The following AK5 variants were observed in gnomAD, a reference collection of about 807,000 sequenced individuals.
The protein encoded by AK5 is adenylate kinase 5, also known as adenylate kinase isoenzyme 5.
A neutral mutation model predicts 69.5 loss-of-function variants in AK5; 27 were observed. The ratio of observed to expected loss-of-function variants is 0.39; its 90% CI spans 0.29 to 0.54. The LOEUF (loss-of-function observed/expected upper bound fraction) is 0.54, where lower values mean the gene tolerates loss of function less well. Ranked by LOEUF, AK5 falls within the 20% of genes least tolerant of loss-of-function variation. The probability of loss-of-function intolerance (pLI) is 0.71; values close to 1 mark genes in which losing one functional copy is unlikely to be tolerated. For synonymous variants in AK5, 260 were observed against 244.4 expected (o/e 1.06, Z -0.60); for missense variants, 531 against 700.4 (o/e 0.76, Z 2.73).
At chr1:77,435,660 A>G (rs1651914585) in intron 8 of AK5, among the ~76,000 whole-genome samples, 1 of 151,730 alleles carries the variant, frequency 6.6e-6, no homozygotes, top group South Asian at 2.1e-4. Flanking sequence ...AAAAAAAAAA[A>G]GAAGCTGCAG....
intron 6 of AK5, among the ~76,000 whole-genome samples, chr1:77,363,416 C>A (rs188670489): frequency 7.6e-4 from 116 of 152,332 alleles, no homozygotes; most frequent in Non-Finnish European, 1.3e-3. Flanking sequence ...CTGCTTTTGA[C>A]CTTGCCCTCT....
At chr1:77,475,185 ATATATATATATG>A (rs1250205464) in intron 8 of AK5, among the ~76,000 whole-genome samples, 24 of 51,882 alleles carry the variant, frequency 4.6e-4, no homozygotes, top group African/African-American at 5.5e-4. Context: ...ATATATATAT[ATATATATATATG>A]TGTGTGTGTG....
At chr1:77,397,449 T>G (rs1377877130) in intron 6 of AK5, among the ~76,000 whole-genome samples, 1 of 152,240 alleles carries the variant, frequency 6.6e-6, no homozygotes, top group Non-Finnish European at 1.5e-5. Context: ...CATCCTTACT[T>G]TGAGTCCACT....
At chr1:77,461,269 G>A (rs531560874) in intron 8 of AK5, among the ~76,000 whole-genome samples, 3 of 150,172 alleles carry the variant, frequency 2.0e-5, no homozygotes, top group East Asian at 2.1e-4. Context: ...TCCTGACCTC[G>A]TGATCCACCC....
chr1:77,293,148 A>G (rs558213063), intron 2 of AK5, among the ~76,000 whole-genome samples: 1 of 152,292 alleles, frequency 6.6e-6, no homozygotes, highest in South Asian at 2.1e-4. Context: ...AGATATTCCA[A>G]TTGTAGGAAT....
intron 8 of AK5, among the ~76,000 whole-genome samples, chr1:77,443,330 A>G (rs763307349): frequency 2.6e-5 from 4 of 152,142 alleles, no homozygotes; most frequent in African/African-American, 9.7e-5. Flanking sequence ...TGTATGCTAT[A>G]TGCATCCATT....
Position 77,367,589 on chromosome 1 carries a change from T to TTATA in AK5, c.891+27025_891+27028dup, listed in dbSNP as rs374382779. ...TATATATATATATATAATATATATG[T>TTATA]TATATATGTAATATATATGTAATAT... On this transcript the variant is annotated intron_variant, in intron 6 of 13. Transcript: ENST00000354567. 3.1e-3 allele frequency among the ~76,000 whole-genome samples: 137 copies of TTATA among 43,578 alleles called. 3 individuals carry two copies. Among genetic ancestry groups the TTATA allele is most frequent in the African/African-American group, 0.01 (130 of 12,468 alleles). The allele number at this position is 43,578 out of a possible 152,430, so 28.6% of individuals were successfully genotyped here. A position where few individuals can be genotyped will look rare whatever the true frequency, so the allele number is the denominator to read the frequency against.
At chr1:77,367,630 A>AATATATGTT (rs1646992398) in intron 6 of AK5, among the ~76,000 whole-genome samples, 1 of 56,020 alleles carries the variant, frequency 1.8e-5, no homozygotes, top group African/African-American at 6.1e-5. Flanking sequence ...TTATATATGT[A>AATATATGTT]ATATATATGT....
intron 6 of AK5, among the ~76,000 whole-genome samples, chr1:77,371,028 A>T (rs891136847): frequency 6.6e-6 from 1 of 152,136 alleles, no homozygotes; most frequent in African/African-American, 2.4e-5. Flanking sequence ...GTCACATTTC[A>T]TTACCTATGA....
At chr1:77,355,212 C>T (rs1662431033) in intron 6 of AK5, among the ~76,000 whole-genome samples, 2 of 152,184 alleles carry the variant, frequency 1.3e-5, no homozygotes, top group South Asian at 2.1e-4. Context: ...ATCCTTTTGG[C>T]TCAGTGAGCA....
chr1:77,439,782 A>ATG (rs1652201138), intron 8 of AK5, among the ~76,000 whole-genome samples: 1 of 151,484 alleles, frequency 6.6e-6, no homozygotes. Flanking sequence ...ATATATATGT[A>ATG]TGTATACATG....
intron 6 of AK5, among the ~76,000 whole-genome samples, chr1:77,368,282 GTTATATATATGTTATATA>G (rs1647051195): frequency 3.6e-5 from 2 of 55,682 alleles, no homozygotes; most frequent in Non-Finnish European, 7.7e-5. Context: ...TGTTATATAT[GTTATATATATGTTATATA>G]TAATATATAT....
chr1:77,461,615 GA>G (rs1653848214), intron 8 of AK5, among the ~76,000 whole-genome samples: 1 of 151,550 alleles, frequency 6.6e-6, no homozygotes, highest in South Asian at 2.1e-4. Context: ...ACTAAAATTA[GA>G]AAAATTAGCG....
At chr1:77,439,025 G>A (rs1652142546) in intron 8 of AK5, among the ~76,000 whole-genome samples, 1 of 152,148 alleles carries the variant, frequency 6.6e-6, no homozygotes, top group Non-Finnish European at 1.5e-5. Context: ...TCGTAGAAAC[G>A]AAGAGCACAA....
chr1:77,462,181 T>C (rs1484910625), intron 8 of AK5, among the ~76,000 whole-genome samples: 2 of 152,216 alleles, frequency 1.3e-5, no homozygotes, highest in East Asian at 3.8e-4. Context: ...ATACACACCA[T>C]AAACTTTTAG....
intron 8 of AK5, among the ~76,000 whole-genome samples, chr1:77,435,558 G>A (rs914328552): frequency 7.9e-5 from 12 of 151,136 alleles, no homozygotes; most frequent in Admixed American, 7.9e-4. Context: ...TGAGGCAGGA[G>A]AATCGTTTGA....
intron 2 of AK5, among the ~76,000 whole-genome samples, chr1:77,292,979 A>G (rs1412348869): frequency 1.3e-5 from 2 of 152,232 alleles, no homozygotes; most frequent in African/African-American, 2.4e-5. Flanking sequence ...TCTTATGCCA[A>G]ATTACTCTTA....
chr1:77,463,000 A>C (rs893389182), intron 8 of AK5, among the ~76,000 whole-genome samples: 1 of 152,146 alleles, frequency 6.6e-6, no homozygotes, highest in Non-Finnish European at 1.5e-5. Flanking sequence ...TTAGTACCAA[A>C]TCTTTCTTTT....
intron 10 of AK5, among the ~76,000 whole-genome samples, chr1:77,488,255 A>C (rs1655729862): frequency 6.6e-6 from 1 of 152,222 alleles, no homozygotes; most frequent in South Asian, 2.1e-4. Flanking sequence ...TTTTTCAGAA[A>C]GTAAAACTAT....
Sources: allele counts gnomAD v4.1 joint callset (sites outside exome capture counted in the v4.1 genomes callset), GRCh38; gene constraint gnomAD v4.1.1; transcripts MANE v1.5; gene names NCBI Gene and HGNC (gene_info 2026-07-23, HGNC 2026-07-21).